CHN1: variants seen among roughly 807,000 people sequenced by gnomAD.
The protein encoded by CHN1 is chimerin 1, also known as N-chimaerin.
A neutral mutation model predicts 59.5 loss-of-function variants in CHN1; 37 were observed. The observed-to-expected ratio is 0.62, with a 90% CI of 0.48 to 0.82. The LOEUF (loss-of-function observed/expected upper bound fraction) is 0.82, where lower values mean the gene tolerates loss of function less well. Among genes scored for constraint, CHN1 ranks in the 40% least tolerant of loss-of-function variants. The probability of loss-of-function intolerance (pLI) is 0.00; values close to 1 mark genes in which losing one functional copy is unlikely to be tolerated. For synonymous variants in CHN1, 206 were observed against 200.4 expected, an observed-to-expected ratio of 1.03 and a Z score of -0.24; for missense variants, 469 against 571.0, an observed-to-expected ratio of 0.82 and a Z score of 1.82.
At chr2:174,881,214 G>A (rs1687723087) in intron 5 of CHN1, among the ~76,000 whole-genome samples, 1 of 152,050 alleles carries the variant, frequency 6.6e-6, no homozygotes, top group Non-Finnish European at 1.5e-5. Flanking sequence ...TAGTAAAACA[G>A]AGCACAACAA....
intron 5 of CHN1, among the ~76,000 whole-genome samples, chr2:174,889,879 A>ATG (rs1491210660): frequency 6.6e-6 from 1 of 150,852 alleles, no homozygotes; most frequent in African/African-American, 2.5e-5. Flanking sequence ...GAATAAATAA[A>ATG]TATGTGTGTG....
chr2:174,940,016 C>CTTTTA lies in CHN1; in HGVS notation c.114+4867_114+4871dup, dbSNP rs199787118. Among the ~76,000 whole-genome samples the CTTTTA allele has an allele frequency of 8.1e-3, 1,231 of 151,994 alleles. 19 individuals carry two copies. The highest frequency in any genetic ancestry group is 0.028 in the African/African-American group (1,169 of 41,470). On this transcript the variant is annotated intron_variant, in intron 3 of 12. Transcript: ENST00000409900. The stretch of plus-strand genomic sequence containing the variant: ...TTTATCAATAGAGAAATAATTATTA[C>CTTTTA]TTTTATTTTATTTTATTTATTTATT...
rs1278274396 is a variant in CHN1 at position 175,004,967 on chromosome 2, G to A, written c.-55C>T. On this transcript the variant is annotated 5_prime_UTR_variant, in exon 1 of 13. Transcript: ENST00000409900. ...CCAGGCGCTCCTCCCAGGCGGGCTA[G>A]GGATCACCTCATCAGCCCGCCGCAC... 2.2e-5 allele frequency: 33 copies of A among 1,515,284 alleles called. No individual in the cohort carries two copies. The highest frequency in any genetic ancestry group is 2.8e-5 in the African/African-American group (2 of 70,218). The allele number at this position is 1,515,284 out of a possible 1,614,324, so 93.9% of individuals were successfully genotyped here.
chr2:174,817,524 C>T (rs967228982), intron 8 of CHN1, among the ~76,000 whole-genome samples: 4 of 150,094 alleles, frequency 2.7e-5, no homozygotes, highest in African/African-American at 4.9e-5. Flanking sequence ...GAGTCAATGG[C>T]GCAATCTTGG....
intron 1 of CHN1, among the ~76,000 whole-genome samples, chr2:174,995,617 T>C (rs1227282076): frequency 2.6e-5 from 4 of 152,200 alleles, no homozygotes; most frequent in East Asian, 1.9e-4. Flanking sequence ...TCTAATGCCA[T>C]TGCTGATCTG....
intron 5 of CHN1, among the ~76,000 whole-genome samples, chr2:174,913,731 G>T (rs1017843236): frequency 8.5e-5 from 13 of 152,132 alleles, no homozygotes; most frequent in Non-Finnish European, 1.6e-4. Context: ...TTAATAGAAA[G>T]ATTAATATCA....
In CHN1 at chr2:174,988,537, T is replaced by G. The variant is rs1037704617; in HGVS notation, c.19+16357A>C. Among the ~76,000 whole-genome samples, 78 of 152,286 alleles carry G rather than the reference T, an allele frequency of 5.1e-4. 1 individual carries two copies. The highest frequency in any genetic ancestry group is 3.4e-3 in the Middle Eastern group (1 of 294). ...ATTGCTAATATTTTTTTCTTAGTGCTTTATTAGTGATTACTTATAACAATA... is the reference window on the plus strand; with the variant it reads ...ATTGCTAATATTTTTTTCTTAGTGCGTTATTAGTGATTACTTATAACAATA... On this transcript the variant is annotated intron_variant, in intron 1 of 12. Transcript: ENST00000409900.
intron 8 of CHN1, among the ~76,000 whole-genome samples, chr2:174,822,093 A>G (rs540445797): frequency 1.5e-3 from 225 of 152,382 alleles, no homozygotes; most frequent in Non-Finnish European, 2.8e-3. Flanking sequence ...CAATCCAAAT[A>G]TAATTAGTTG....
intron 5 of CHN1, among the ~76,000 whole-genome samples, chr2:174,878,874 G>A (rs773722799): frequency 6.6e-6 from 1 of 152,184 alleles, no homozygotes; most frequent in Non-Finnish European, 1.5e-5. Flanking sequence ...GAAGAATAAT[G>A]GTTTACTTTT....
chr2:174,938,528 G>A (rs1046454362), intron 3 of CHN1, among the ~76,000 whole-genome samples: 1 of 152,064 alleles, frequency 6.6e-6, no homozygotes, highest in African/African-American at 2.4e-5. Flanking sequence ...TGCCTGTTTA[G>A]TAACTGTCAT....
intron 5 of CHN1, among the ~76,000 whole-genome samples, chr2:174,894,618 C>T (rs151125365): frequency 7.8e-4 from 118 of 152,158 alleles, no homozygotes; most frequent in East Asian, 1.5e-3. Context: ...ATCCGACTTC[C>T]GCATATCTAT....
intron 1 of CHN1, among the ~76,000 whole-genome samples, chr2:174,987,933 A>C (rs1691402880): frequency 6.6e-6 from 1 of 152,146 alleles, no homozygotes; most frequent in Non-Finnish European, 1.5e-5. Context: ...GGGAGATGTG[A>C]GTTTTAACTA....
Position 174,878,110 on chromosome 2 carries a change from T to G in CHN1, c.279A>C (p.Arg93Ser). 3.9e-6 allele frequency: 6 copies of G among 1,537,736 alleles called. No individual in the cohort carries two copies. Among genetic ancestry groups the G allele is most frequent in the Non-Finnish European group, 5.3e-6 (6 of 1,134,468 alleles). The stretch of plus-strand genomic sequence containing the variant: ...TGCCATCGTAGTAGAGCCTGAAGTT[T>G]CTGGTTTGACTTCCAAATCTGCCTC... ...TLALRFGSQT[R>S]NFRLYYDGKH... Residue 93 changes from arginine to serine, a missense_variant, in exon 6 of 13, where the codon AGA becomes AGC. Transcript: ENST00000409900.
chr2:174,904,909 T>C (rs1020498129), intron 5 of CHN1, among the ~76,000 whole-genome samples: 2 of 152,100 alleles, frequency 1.3e-5, no homozygotes, highest in Admixed American at 6.5e-5. Flanking sequence ...CCAAAGAGTG[T>C]CTGATACATT....
chr2:174,862,496 C>A (rs1687100592), intron 6 of CHN1, among the ~76,000 whole-genome samples: 1 of 152,106 alleles, frequency 6.6e-6, no homozygotes, highest in South Asian at 2.1e-4. Flanking sequence ...CCACACCCAG[C>A]TAATTTTTGT....
intron 8 of CHN1, among the ~76,000 whole-genome samples, chr2:174,817,642 T>C (rs1293687443): frequency 4.7e-5 from 7 of 148,368 alleles, no homozygotes; most frequent in African/African-American, 1.2e-4. Context: ...TTTTTTCTTT[T>C]TTTTTTTTTT....
chr2:174,912,861 T>G (rs1416384785), intron 5 of CHN1, among the ~76,000 whole-genome samples: 2 of 152,218 alleles, frequency 1.3e-5, no homozygotes, highest in African/African-American at 4.8e-5. Flanking sequence ...CACTATTTTT[T>G]CTTTTCCAAG....
At chr2:174,819,736 C>T (rs1685415500) in intron 8 of CHN1, among the ~76,000 whole-genome samples, 1 of 151,604 alleles carries the variant, frequency 6.6e-6, no homozygotes, top group African/African-American at 2.4e-5. Flanking sequence ...CATATGTATA[C>T]ATGTGCCATG....
chr2:174,881,811 T>A (rs1006657595), intron 5 of CHN1, among the ~76,000 whole-genome samples: 24 of 152,124 alleles, frequency 1.6e-4, no homozygotes, highest in African/African-American at 5.6e-4. Flanking sequence ...CTTGGTTAAA[T>A]AGAGTGGGAA....
Sources: allele counts gnomAD v4.1 joint callset (sites outside exome capture counted in the v4.1 genomes callset), GRCh38; gene constraint gnomAD v4.1.1; transcripts MANE v1.5; gene names NCBI Gene and HGNC (gene_info 2026-07-23, HGNC 2026-07-21).